Variants in STK32B observed in about 807,000 individuals in gnomAD.
STK32B encodes the protein serine/threonine kinase 32B.
Under a neutral mutation model 52.6 loss-of-function variants are expected in STK32B, and 43 were observed. The observed-to-expected ratio is 0.82, with a 90% confidence interval of 0.64 to 1.05. The LOEUF is 1.05. Among genes scored for constraint, STK32B ranks in the 50% least tolerant of loss-of-function variants. STK32B has a pLI of 0.00. For synonymous variants in STK32B, 238 were observed against 204.3 expected, an observed-to-expected ratio of 1.17 and a Z score of -1.41; for missense variants, 621 against 534.6, an observed-to-expected ratio of 1.16 and a Z score of -1.59.
At chr4:5,348,629 G>C (rs1473759850) in intron 4 of STK32B, among the ~76,000 whole-genome samples, 2 of 152,146 alleles carry the variant, frequency 1.3e-5, no homozygotes, top group Non-Finnish European at 2.9e-5. Flanking sequence ...CCTGATTACA[G>C]CTGCTGCCGC....
At chr4:5,148,497 A>G (rs779433789) in intron 2 of STK32B, among the ~76,000 whole-genome samples, 3 of 151,738 alleles carry the variant, frequency 2.0e-5, no homozygotes, top group Admixed American at 6.6e-5. Context: ...TGACCCATGA[A>G]TTATTTAGTT....
intron 11 of STK32B, among the ~76,000 whole-genome samples, chr4:5,488,734 A>G (rs868848251): frequency 2.0e-5 from 3 of 152,072 alleles, no homozygotes; most frequent in African/African-American, 4.8e-5. Context: ...TTTCTTTGCA[A>G]CCTTCCTTAG....
intron 3 of STK32B, among the ~76,000 whole-genome samples, chr4:5,268,853 AG>A (rs77860711): frequency 0.2 from 30,403 of 151,812 alleles, 6,354 homozygotes; most frequent in African/African-American, 0.53. Context: ...CAAACAAAAA[AG>A]GGGGAAAAAA....
At chr4:5,080,967 A>C (rs552720032) in intron 1 of STK32B, among the ~76,000 whole-genome samples, 1 of 152,070 alleles carries the variant, frequency 6.6e-6, no homozygotes, top group African/African-American at 2.4e-5. Flanking sequence ...CCAGCCCCCA[A>C]CCCGTCTTGA....
the STK32B span, among the ~76,000 whole-genome samples, chr4:5,045,839 A>C: frequency 5.3e-5 from 8 of 152,166 alleles, no homozygotes; most frequent in Non-Finnish European, 1.2e-4. Flanking sequence ...ATATAGAATC[A>C]TGTCATCTGC....
the STK32B span, among the ~76,000 whole-genome samples, chr4:5,029,923 C>G: frequency 6.6e-6 from 1 of 152,172 alleles, no homozygotes; most frequent in South Asian, 2.1e-4. Flanking sequence ...CCATGCTATT[C>G]TCATGATAGT....
rs775706531 is a variant in STK32B at position 5,395,390 on chromosome 4, C to T, written c.435-2817C>T. Among the ~76,000 whole-genome samples the T allele has an allele frequency of 9.2e-5, 14 of 152,208 alleles. No individual in the cohort carries two copies. The highest frequency in any genetic ancestry group is 1.8e-4 in the Non-Finnish European group (12 of 68,042). ...CTCATCTGCAAAATGAGAACTTGCT[C>T]ACTACATGATGCACAGCTGGCCTTT... On this transcript the variant is annotated intron_variant, in intron 4 of 11. Transcript: ENST00000282908. The surrounding 1 kb of genome is among the most constrained non-coding windows in gnomAD (Gnocchi z 4.4).
At chr4:5,125,409 A>G (rs1161489532) in intron 1 of STK32B, among the ~76,000 whole-genome samples, 1 of 152,232 alleles carries the variant, frequency 6.6e-6, no homozygotes, top group South Asian at 2.1e-4. Flanking sequence ...AATTAATGCA[A>G]TAGGTCCCTC....
chr4:5,030,767 G>A, the STK32B span, among the ~76,000 whole-genome samples: 7 of 152,196 alleles, frequency 4.6e-5, no homozygotes, highest in East Asian at 7.7e-4. Flanking sequence ...CACTTAAGAC[G>A]AGGGACTCAA....
At chr4:5,090,440 A>G (rs1164650503) in intron 1 of STK32B, among the ~76,000 whole-genome samples, 2 of 140,182 alleles carry the variant, frequency 1.4e-5, no homozygotes, top group African/African-American at 2.7e-5. Context: ...CAGTGGCACA[A>G]TCTTGGCTCA....
Position 5,443,955 on chromosome 4 carries a change from A to C in STK32B, c.563-2718A>C, listed in dbSNP as rs74696284. On this transcript the variant is annotated intron_variant, in intron 6 of 11. Transcript: ENST00000282908. ...CACCCACTTGAGGAGGCAGTCTGCC[A>C]GTTCTCAGATCTCCAGCTGCGTGCT... is the stretch of plus-strand genomic sequence containing the variant. 5.4e-3 allele frequency among the ~76,000 whole-genome samples: 821 copies of C among 152,338 alleles called. 19 individuals are homozygous for C. The East Asian group carries it at 0.068, about 13-fold the overall frequency.
At chr4:5,463,917 A>G (rs1314949776) in intron 9 of STK32B, among the ~76,000 whole-genome samples, 1 of 152,200 alleles carries the variant, frequency 6.6e-6, no homozygotes, top group Non-Finnish European at 1.5e-5. Context: ...TTGCATTGCT[A>G]TAAAGGAATA....
chr4:5,122,999 C>T (rs1031216737), intron 1 of STK32B, among the ~76,000 whole-genome samples: 4 of 152,124 alleles, frequency 2.6e-5, no homozygotes, highest in African/African-American at 9.7e-5. Flanking sequence ...GGCTGTGGAG[C>T]CCAAATCCCA....
At chr4:5,229,559 C>T (rs76308788) in intron 3 of STK32B, among the ~76,000 whole-genome samples, 7,335 of 152,190 alleles carry the variant, frequency 0.048, 263 homozygotes, top group South Asian at 0.13. Context: ...CACAGTTAGA[C>T]ATGGATGATA....
intron 3 of STK32B, among the ~76,000 whole-genome samples, chr4:5,188,313 C>T (rs1325506090): frequency 6.6e-6 from 1 of 152,178 alleles, no homozygotes; most frequent in East Asian, 1.9e-4. Context: ...GCATGTAATA[C>T]ATTTTAATGG....
At chr4:5,281,505 C>A (rs1728196704) in intron 3 of STK32B, among the ~76,000 whole-genome samples, 1 of 152,004 alleles carries the variant, frequency 6.6e-6, no homozygotes, top group African/African-American at 2.4e-5. Flanking sequence ...GCCCTAAACC[C>A]TAGATTACAG....
chr4:5,462,038 A>G (rs1163462562), intron 9 of STK32B, among the ~76,000 whole-genome samples: 1 of 152,098 alleles, frequency 6.6e-6, no homozygotes, highest in East Asian at 1.9e-4. Flanking sequence ...TAATTATTTT[A>G]GGGTTTCACT....
intron 3 of STK32B, among the ~76,000 whole-genome samples, chr4:5,230,760 G>A (rs1161629196): frequency 6.6e-6 from 1 of 152,154 alleles, no homozygotes. Flanking sequence ...TGCTGGCATA[G>A]AGCACTCAGG....
chr4:5,274,609 G>T (rs1053578794), intron 3 of STK32B, among the ~76,000 whole-genome samples: 1 of 152,172 alleles, frequency 6.6e-6, no homozygotes, highest in Non-Finnish European at 1.5e-5. Context: ...ATCATCTATT[G>T]TCTGAGAGCA....
Sources: gnomAD v4.1 joint callset for allele counts (sites outside exome capture counted in the v4.1 genomes callset) on GRCh38, gnomAD v4.1.1 for gene constraint, Gnocchi (gnomAD v3.1) non-coding constraint, MANE v1.5 for transcripts, NCBI Gene and HGNC (gene_info 2026-07-23, HGNC 2026-07-21) for gene names.